TYW1: variants seen among roughly 807,000 people sequenced by gnomAD.
The protein encoded by TYW1 is S-adenosyl-L-methionine-dependent tRNA 4-demethylwyosine synthase TYW1.
In TYW1, 46 loss-of-function variants were observed where a neutral mutation model predicts 96.2. That is an observed-to-expected ratio of 0.48 (90% CI 0.38 to 0.61). TYW1 has a LOEUF of 0.61. TYW1 is among the 20% of genes least tolerant of loss of function. The probability of loss-of-function intolerance (pLI) is 0.00; values close to 1 mark genes in which losing one functional copy is unlikely to be tolerated. For missense variants in TYW1, 684 were observed against 909.6 expected (o/e 0.75, Z 3.19); for synonymous variants, 274 against 323.0 (o/e 0.85, Z 1.63).
At chr7:67,172,398 A>G (rs969228408) in intron 13 of TYW1, among the ~76,000 whole-genome samples, 3 of 150,716 alleles carry the variant, frequency 2.0e-5, no homozygotes, top group African/African-American at 7.4e-5. Flanking sequence ...TTACTTTTGC[A>G]TATTTTTTGA....
intron 8 of TYW1, among the ~76,000 whole-genome samples, chr7:67,053,255 T>C (rs911759195): frequency 6.6e-6 from 1 of 152,170 alleles, no homozygotes; most frequent in African/African-American, 2.4e-5. Context: ...TAATGACTTG[T>C]GCATCTTTAG....
chr7:67,149,062 A>T (rs1798707899), intron 13 of TYW1, among the ~76,000 whole-genome samples: 2 of 152,128 alleles, frequency 1.3e-5, no homozygotes, highest in South Asian at 2.1e-4. Flanking sequence ...TACCAAGTAG[A>T]TTTCATCCTC....
intron 12 of TYW1, among the ~76,000 whole-genome samples, chr7:67,112,374 C>T (rs13230301): frequency 2.6e-5 from 4 of 152,034 alleles, no homozygotes; most frequent in African/African-American, 4.8e-5. Context: ...CCAGTACTTT[C>T]GGAGGCCGAG....
At chr7:67,234,774 T>C (rs1237078007) in intron 15 of TYW1, among the ~76,000 whole-genome samples, 1 of 138,942 alleles carries the variant, frequency 7.2e-6, no homozygotes, top group African/African-American at 2.8e-5. Flanking sequence ...ACCAGATCTT[T>C]TAGTGCAGAA....
At chr7:67,192,462 TAAAA>T (rs1454382562) in intron 14 of TYW1, among the ~76,000 whole-genome samples, 1 of 152,224 alleles carries the variant, frequency 6.6e-6, no homozygotes, top group Non-Finnish European at 1.5e-5. Context: ...TTTTAAATAT[TAAAA>T]AGAAAGTCCT....
At chr7:67,222,868 T>TTCTTTC (rs1370451144) in intron 15 of TYW1, among the ~76,000 whole-genome samples, 1 of 59,238 alleles carries the variant, frequency 1.7e-5, no homozygotes, top group African/African-American at 5.6e-5. Flanking sequence ...CTTTTTTTCT[T>TTCTTTC]TTTTTTTTTT....
At chr7:66,998,497 T>C (rs1213106867) in intron 2 of TYW1, among the ~76,000 whole-genome samples, 1 of 152,136 alleles carries the variant, frequency 6.6e-6, no homozygotes, top group African/African-American at 2.4e-5. Flanking sequence ...TAGTCCTCTC[T>C]TTCCATTAAT....
rs571827030 is a variant in TYW1 at position 67,018,639 on chromosome 7, A to G, written c.861+496A>G. On this transcript the variant is annotated intron_variant, in intron 6 of 15. Transcript: ENST00000359626. ...AGAGAGGCCTTAGGAATTAAGCCAT[A>G]TCGTGCTAGATGCTTTCCAGAATCT... 3.9e-5 allele frequency among the ~76,000 whole-genome samples: 6 copies of G among 152,024 alleles called. No homozygotes were observed. The South Asian group carries it at 1.2e-3, about 32-fold the overall frequency.
intron 14 of TYW1, among the ~76,000 whole-genome samples, chr7:67,192,933 C>T (rs112064939): frequency 0.017 from 2,580 of 152,208 alleles, 67 homozygotes; most frequent in African/African-American, 0.058. Flanking sequence ...CTCGGACACG[C>T]GCAGTTGTCT....
chr7:67,009,493 G>A, intron 3 of TYW1, 90 bp from the exon 4 acceptor site: 1 of 1,117,688 alleles, frequency 8.9e-7, no homozygotes, highest in Admixed American at 2.3e-5. Context: ...TTTTTCATGA[G>A]GAATGCCACA....
In TYW1 at chr7:67,123,957, T is replaced by C. The variant is rs1021065229; in HGVS notation, c.1698+6339T>C. Among the ~76,000 whole-genome samples the C allele has an allele frequency of 4.0e-4, 61 of 151,944 alleles. 1 individual carries two copies. Among genetic ancestry groups the C allele is most frequent in the Non-Finnish European group, 6.8e-4 (46 of 67,966 alleles). On this transcript the variant is annotated intron_variant, in intron 13 of 15. Coordinates refer to ENST00000359626, the MANE Select transcript of TYW1 (RefSeq NM_018264.4). ...ATGGGAAAGATGGAAATGGGGAGAG[T>C]AAATAATAGATCTGAATGTAATGAA...
At position 67,233,293 on chromosome 7, in the gene TYW1, T is replaced by C. The variant is rs1403773139; in HGVS notation, c.1978-5015T>C. On this transcript the variant is annotated intron_variant, in intron 15 of 15. Transcript: ENST00000359626. ...CATGTGTTTAATCTACCATCTTTAA[T>C]AGAATCTTTTTAAACATTTACACTA... Among the ~76,000 whole-genome samples, 5 of 136,392 alleles carry C rather than the reference T, an allele frequency of 3.7e-5. 1 individual carries two copies. The highest frequency in any genetic ancestry group is 6.3e-5 in the Non-Finnish European group (4 of 63,234). 89.5% of individuals were successfully genotyped at this position (136,392 alleles called of 152,430 possible).
intron 9 of TYW1, among the ~76,000 whole-genome samples, chr7:67,059,028 T>G (rs2115616275): frequency 6.8e-6 from 1 of 146,062 alleles, no homozygotes; most frequent in African/African-American, 2.6e-5. Context: ...ACTGTGTTTT[T>G]GGGGAGGTAC....
intron 3 of TYW1, among the ~76,000 whole-genome samples, chr7:67,008,388 G>A (rs1206448648): frequency 6.6e-6 from 1 of 152,182 alleles, no homozygotes; most frequent in Non-Finnish European, 1.5e-5. Context: ...AGTGTTCCCT[G>A]TTGGGGCTGG....
At chr7:67,127,417 C>T (rs144150558) in intron 13 of TYW1, among the ~76,000 whole-genome samples, 6,149 of 152,170 alleles carry the variant, frequency 0.04, 197 homozygotes, top group Non-Finnish European at 0.068. Context: ...GGCTCGGCCT[C>T]CCAAAGTGCT....
At chr7:67,124,888 G>T (rs1488504108) in intron 13 of TYW1, among the ~76,000 whole-genome samples, 1 of 152,080 alleles carries the variant, frequency 6.6e-6, no homozygotes, top group Non-Finnish European at 1.5e-5. Flanking sequence ...AGGCTGGAGT[G>T]CAATGGCGTG....
At chr7:67,146,734 T>C (rs1003484184) in intron 13 of TYW1, among the ~76,000 whole-genome samples, 6 of 152,154 alleles carry the variant, frequency 3.9e-5, no homozygotes, top group Admixed American at 3.9e-4. Context: ...AGATAGTGAG[T>C]AGGTTAATCA....
At chr7:67,163,934 G>A (rs945344313) in intron 13 of TYW1, among the ~76,000 whole-genome samples, 2 of 152,136 alleles carry the variant, frequency 1.3e-5, no homozygotes, top group Non-Finnish European at 2.9e-5. Context: ...CCCCCAAAGT[G>A]CTGGGATTAC....
At chr7:67,113,104 G>A (rs1156570609) in intron 12 of TYW1, among the ~76,000 whole-genome samples, 3 of 151,978 alleles carry the variant, frequency 2.0e-5, no homozygotes, top group South Asian at 4.2e-4. Context: ...GATGAACTCT[G>A]TGTCCTTCAG....
Sources: gnomAD v4.1 joint callset for allele counts (sites outside exome capture counted in the v4.1 genomes callset) on GRCh38, gnomAD v4.1.1 for gene constraint, MANE v1.5 for transcripts, NCBI Gene and HGNC (gene_info 2026-07-23, HGNC 2026-07-21) for gene names.